Variants in CNTNAP2 observed in about 807,000 individuals in gnomAD.
CNTNAP2 encodes the protein contactin associated protein 2.
Under a neutral mutation model 155.2 loss-of-function variants are expected in CNTNAP2, and 98 were observed. The observed-to-expected ratio is 0.63, with a 90% CI of 0.54 to 0.75. CNTNAP2 has a LOEUF of 0.75. Ranked by LOEUF, CNTNAP2 falls within the 30% of genes least tolerant of loss-of-function variation. The pLI, the probability that CNTNAP2 is intolerant of heterozygous loss-of-function variation, is 0.00. For synonymous variants in CNTNAP2, 651 were observed against 631.2 expected (o/e 1.03, Z -0.47); for missense variants, 1,727 against 1,688.1 (o/e 1.02, Z -0.40).
chr7:147,114,673 C>G (rs1800949329), intron 5 of CNTNAP2, among the ~76,000 whole-genome samples: 1 of 152,180 alleles, frequency 6.6e-6, no homozygotes. Context: ...GTACATTTTT[C>G]TCCATCCTTT....
At position 148,301,306 on chromosome 7, in the gene CNTNAP2, A is replaced by AAAAAAAAT; in HGVS notation, c.3475+34181_3475+34182insAAAAAATA. On this transcript the variant is annotated intron_variant, in intron 21 of 23. Coordinates refer to ENST00000361727, the MANE Select transcript of CNTNAP2 (RefSeq NM_014141.6). ...GAGACTCCGTCTAAAAAAAAAAAAA[A>AAAAAAAAT]ATATATATATATATATAGGTTAAAA... Among the ~76,000 whole-genome samples, 86 of 103,844 alleles carry AAAAAAAAT rather than the reference A, an allele frequency of 8.3e-4. 1 individual carries two copies. Among genetic ancestry groups the AAAAAAAAT allele is most frequent in the African/African-American group, 3.1e-3 (82 of 26,566 alleles). The allele number at this position is 103,844 out of a possible 152,430, so 68.1% of individuals were successfully genotyped here.
chr7:147,709,081 G>C (rs996057470), intron 13 of CNTNAP2, among the ~76,000 whole-genome samples: 1 of 152,138 alleles, frequency 6.6e-6, no homozygotes, highest in South Asian at 2.1e-4. Context: ...GATGTGGTCA[G>C]CTGATGCCTC....
intron 9 of CNTNAP2, among the ~76,000 whole-genome samples, chr7:147,381,084 A>G (rs1457627997): frequency 6.6e-6 from 1 of 152,144 alleles, no homozygotes; most frequent in Admixed American, 6.6e-5. Context: ...GTCTAATTCA[A>G]GCAAACACTA....
At chr7:147,095,154 G>C (rs1316607382) in intron 4 of CNTNAP2, among the ~76,000 whole-genome samples, 1 of 151,558 alleles carries the variant, frequency 6.6e-6, no homozygotes, top group African/African-American at 2.4e-5. Context: ...CGAGTAGCTG[G>C]GACTATAGGC....
chr7:146,245,647 A>G (rs1799635316), intron 1 of CNTNAP2, among the ~76,000 whole-genome samples: 1 of 152,142 alleles, frequency 6.6e-6, no homozygotes, highest in African/African-American at 2.4e-5. Context: ...GGATACGATC[A>G]GCAAGGAAAG....
intron 12 of CNTNAP2, among the ~76,000 whole-genome samples, chr7:147,600,680 G>T (rs1282768476): frequency 6.6e-6 from 1 of 151,886 alleles, no homozygotes; most frequent in East Asian, 1.9e-4. Flanking sequence ...ACCTTTTCTG[G>T]CATAGAGGAC....
At chr7:146,451,355 T>G (rs1462848859) in intron 1 of CNTNAP2, among the ~76,000 whole-genome samples, 1 of 152,176 alleles carries the variant, frequency 6.6e-6, no homozygotes, top group Non-Finnish European at 1.5e-5. Flanking sequence ...TTCAGTCGAT[T>G]TCCCTTTTCT....
chr7:146,856,312 A>G (rs1191453824), intron 3 of CNTNAP2, among the ~76,000 whole-genome samples: 1 of 149,444 alleles, frequency 6.7e-6, no homozygotes, highest in African/African-American at 2.5e-5. Flanking sequence ...ATACATACAT[A>G]CATACATACA....
intron 1 of CNTNAP2, among the ~76,000 whole-genome samples, chr7:146,686,939 T>G (rs1800611067): frequency 1.3e-5 from 2 of 152,176 alleles, no homozygotes; most frequent in Admixed American, 1.3e-4. Flanking sequence ...AATGCTATAC[T>G]GCAAAAATGA....
At chr7:148,147,359 C>G in intron 16 of CNTNAP2, 132 bp from the exon 17 acceptor site, 1 of 871,164 alleles carries the variant, frequency 1.1e-6, no homozygotes. Flanking sequence ...TTGATTTTGC[C>G]ATCGACCTTT....
chr7:147,887,056 T>C (rs531191802), intron 13 of CNTNAP2, among the ~76,000 whole-genome samples: 1 of 152,318 alleles, frequency 6.6e-6, no homozygotes, highest in African/African-American at 2.4e-5. Context: ...TTATGTCACA[T>C]TGTATAATAA....
At chr7:146,143,227 C>A (rs1797906230) in intron 1 of CNTNAP2, among the ~76,000 whole-genome samples, 1 of 152,156 alleles carries the variant, frequency 6.6e-6, no homozygotes, top group African/African-American at 2.4e-5. Flanking sequence ...AGACATTTTT[C>A]TTCACATTTT....
intron 12 of CNTNAP2, among the ~76,000 whole-genome samples, chr7:147,616,772 C>T (rs1801301935): frequency 1.3e-5 from 2 of 152,082 alleles, no homozygotes; most frequent in African/African-American, 4.8e-5. Context: ...TGAAACTAGA[C>T]TGTAAGTTGC....
At chr7:147,865,588 A>G (rs1335500518) in intron 13 of CNTNAP2, among the ~76,000 whole-genome samples, 1 of 152,112 alleles carries the variant, frequency 6.6e-6, no homozygotes, top group Non-Finnish European at 1.5e-5. Context: ...GCTATTAATT[A>G]TTGCCTCAAT....
chr7:146,227,543 G>T (rs2116907618), intron 1 of CNTNAP2, among the ~76,000 whole-genome samples: 1 of 151,102 alleles, frequency 6.6e-6, no homozygotes, highest in Non-Finnish European at 1.5e-5. Context: ...CTTCTTTCTT[G>T]CACTTTCCTA....
intron 22 of CNTNAP2, among the ~76,000 whole-genome samples, chr7:148,395,119 AC>A (rs139844217): frequency 0.075 from 9,044 of 120,562 alleles, 728 homozygotes; most frequent in African/African-American, 0.2. Context: ...GTTTCTGTTG[AC>A]CCCCCCCCCT....
At chr7:146,767,515 T>A (rs1802218474) in intron 1 of CNTNAP2, among the ~76,000 whole-genome samples, 1 of 152,192 alleles carries the variant, frequency 6.6e-6, no homozygotes. Flanking sequence ...TTTCTTTAAC[T>A]GTATTGTATG....
chr7:146,862,959 A>G (rs1042036181), intron 3 of CNTNAP2, among the ~76,000 whole-genome samples: 1 of 152,208 alleles, frequency 6.6e-6, no homozygotes, highest in Non-Finnish European at 1.5e-5. Context: ...ACCTTCATGC[A>G]TATAGATTTC....
chr7:146,463,099 G>T (rs1268304447), intron 1 of CNTNAP2, among the ~76,000 whole-genome samples: 1 of 151,928 alleles, frequency 6.6e-6, no homozygotes, highest in Non-Finnish European at 1.5e-5. Context: ...AGGATAAATG[G>T]GAAGAAATAG....
Sources: gnomAD v4.1 joint callset for allele counts (sites outside exome capture counted in the v4.1 genomes callset) on GRCh38, gnomAD v4.1.1 for gene constraint, MANE v1.5 for transcripts, NCBI Gene and HGNC (gene_info 2026-07-23, HGNC 2026-07-21) for gene names.